The following FBN3 variants were observed in gnomAD, a reference collection of about 807,000 sequenced individuals.
The protein encoded by FBN3 is fibrillin 3, also known as fibrillin-3.
Under a neutral mutation model 330.1 loss-of-function variants are expected in FBN3, and 234 were observed. The observed-to-expected ratio is 0.71, with a 90% CI of 0.64 to 0.79. The LOEUF is 0.79. FBN3 is among the 30% of genes least tolerant of loss of function. The pLI is 0.00. For missense variants in FBN3, 3,606 were observed against 3,886.9 expected (o/e 0.93, Z 1.92); for synonymous variants, 1,458 against 1,517.3 (o/e 0.96, Z 0.91).
intron 63 of FBN3, among the ~76,000 whole-genome samples, chr19:8,071,096 G>C (rs950507887): frequency 1.3e-5 from 2 of 151,914 alleles, no homozygotes; most frequent in African/African-American, 4.8e-5. Flanking sequence ...TGTGAACAGA[G>C]AGCACTTGGA....
chr19:8,126,500 G>A lies in FBN3; in HGVS notation c.2522C>T (p.Ala841Val). The A allele has an allele frequency of 6.2e-7, 1 of 1,613,160 alleles. No homozygotes were observed. Among genetic ancestry groups the A allele is most frequent in the Non-Finnish European group, 8.5e-7 (1 of 1,179,732 alleles). The stretch of plus-strand genomic sequence containing the variant: ...GCAGCGTTCGCAGGGGCTCCCCCAG[G>A]CTGCCCCGAGGGTGGCGCAGCACTC... ...RSECCATLGA[A>V]WGSPCERCEI... The change falls in exon 20 of 64, where the codon GCC becomes GTC. Residue 841 changes from alanine to valine, a missense_variant. Ala to Val is a moderately conservative substitution (Grantham distance 64, BLOSUM62 0). Coordinates refer to ENST00000600128, the MANE Select transcript of FBN3 (RefSeq NM_032447.5).
chr19:8,141,044 A>C (rs1276832850), intron 8 of FBN3, among the ~76,000 whole-genome samples: 1 of 150,930 alleles, frequency 6.6e-6, no homozygotes, highest in Non-Finnish European at 1.5e-5. Flanking sequence ...AATACAAAAA[A>C]ATTATCCGGG....
intron 3 of FBN3, 45 bp from the exon 4 acceptor site, chr19:8,146,270 G>A: frequency 6.6e-6 from 10 of 1,506,870 alleles, no homozygotes; most frequent in Non-Finnish European, 9.0e-6. Context: ...GACCGAGCCT[G>A]GGCCGTCCCT....
At chr19:8,087,569 G>GT (rs1406509876) in intron 53 of FBN3, among the ~76,000 whole-genome samples, 1 of 151,552 alleles carries the variant, frequency 6.6e-6, no homozygotes, top group Non-Finnish European at 1.5e-5. Flanking sequence ...GTTCTTTGCG[G>GT]TGGGCGGCTG....
At chr19:8,084,731 C>T (rs945035594) in intron 56 of FBN3, among the ~76,000 whole-genome samples, 6 of 151,554 alleles carry the variant, frequency 4.0e-5, no homozygotes, top group Non-Finnish European at 8.8e-5. Context: ...GGATTACAGA[C>T]ACACGCCACC....
intron 6 of FBN3, among the ~76,000 whole-genome samples, chr19:8,143,167 G>T (rs1326204231): frequency 6.6e-6 from 1 of 152,118 alleles, no homozygotes; most frequent in Admixed American, 6.6e-5. Flanking sequence ...TAAATGCCCA[G>T]GTGGCTGTCT....
Position 8,081,400 on chromosome 19 carries a change from G to C in FBN3, c.7294C>G (p.Pro2432Ala), listed in dbSNP as rs759884214. The change falls in exon 58 of 64, where the codon CCC becomes GCC. Residue 2432 changes from proline (P) to alanine (A), a missense_variant. Pro to Ala is a conservative substitution (Grantham distance 27). Coordinates refer to ENST00000600128, the MANE Select transcript of FBN3 (RefSeq NM_032447.5). The stretch of plus-strand genomic sequence containing the variant: ...TCCTCCTCCAGCAGGTAGCCTCGGG[G>C]ACAGCTGCACAGGAAACTGCCCTTC... ...NTKGSFLCSCPRGYLLEEDGR... is the reference protein window; with the variant it reads ...NTKGSFLCSCARGYLLEEDGR... 2 of 1,612,200 alleles carry C rather than the reference G, an allele frequency of 1.2e-6. No individual in the cohort carries two copies. Among genetic ancestry groups the C allele is most frequent in the South Asian group, 2.2e-5 (2 of 90,800 alleles).
chr19:8,104,456 G>A (rs1226768923), intron 38 of FBN3, among the ~76,000 whole-genome samples: 2 of 146,288 alleles, frequency 1.4e-5, no homozygotes, highest in East Asian at 4.0e-4. Context: ...GGACAACAGA[G>A]TGAGACACTG....
chr19:8,097,223 A>C, intron 42 of FBN3, 66 bp downstream of exon 42: 1 of 1,562,342 alleles, frequency 6.4e-7, no homozygotes, highest in Non-Finnish European at 8.7e-7. Flanking sequence ...TTACTCGCCC[A>C]GATTGCACAG....
intron 39 of FBN3, among the ~76,000 whole-genome samples, chr19:8,103,345 T>C (rs2082369410): frequency 6.6e-6 from 1 of 151,646 alleles, no homozygotes; most frequent in Non-Finnish European, 1.5e-5. Context: ...GGGGATCCAT[T>C]CACTTTTTTC....
chr19:8,139,355 A>G (rs2083361189), intron 8 of FBN3, among the ~76,000 whole-genome samples: 1 of 152,142 alleles, frequency 6.6e-6, no homozygotes, highest in Admixed American at 6.6e-5. Flanking sequence ...TCAAAAATAA[A>G]TAAATAAATA....
In FBN3 at chr19:8,065,730, T is replaced by TG; in HGVS notation, c.*188dup. The TG allele has an allele frequency of 1.7e-6, 1 of 579,606 alleles. No homozygotes were observed. Among genetic ancestry groups the TG allele is most frequent in the South Asian group, 2.4e-5 (1 of 41,736 alleles). The allele number at this position is 579,606 out of a possible 1,614,324, so 35.9% of individuals were successfully genotyped here. A position where few individuals can be genotyped will look rare whatever the true frequency, so the allele number is the denominator to read the frequency against. ...CTGTCTCCAGGAAAGACTGAGTAAC[T>TG]GGGGGGCCCCCGGGGCTGGCACAGA... On this transcript the variant is annotated 3_prime_UTR_variant, in exon 64 of 64. Transcript: ENST00000600128.
At chr19:8,081,642 G>A (rs1555726596) in intron 57 of FBN3, among the ~76,000 whole-genome samples, 162 bp from the exon 58 acceptor site, 2 of 152,116 alleles carry the variant, frequency 1.3e-5, no homozygotes, top group Non-Finnish European at 2.9e-5. Flanking sequence ...AATACATTTG[G>A]TTTTGCAGGC....
intron 37 of FBN3, 86 bp from the exon 38 acceptor site, chr19:8,106,319 A>AG (rs2082438074): frequency 6.7e-7 from 1 of 1,481,846 alleles, no homozygotes; most frequent in African/African-American, 1.4e-5. Context: ...TGGGTTCTCC[A>AG]GGGCCCTCTC....
At chr19:8,104,662 C>T (rs928473081) in intron 38 of FBN3, among the ~76,000 whole-genome samples, 1 of 152,004 alleles carries the variant, frequency 6.6e-6, no homozygotes, top group Non-Finnish European at 1.5e-5. Flanking sequence ...AATTGATTCT[C>T]AATCTGGTCA....
intron 30 of FBN3, among the ~76,000 whole-genome samples, chr19:8,113,182 T>C (rs2082629068): frequency 1.3e-5 from 2 of 152,232 alleles, no homozygotes; most frequent in Non-Finnish European, 1.5e-5. Flanking sequence ...TCCCAACTAC[T>C]TGGGAGGCCA....
chr19:8,132,905 C>T, intron 14 of FBN3, 79 bp downstream of exon 14: 1 of 1,449,828 alleles, frequency 6.9e-7, no homozygotes, highest in Non-Finnish European at 9.2e-7. Context: ...CCCGTCCGGT[C>T]CCTCTCCTCT....
intron 8 of FBN3, among the ~76,000 whole-genome samples, chr19:8,139,457 C>G (rs928690920): frequency 1.3e-5 from 2 of 152,154 alleles, no homozygotes; most frequent in Non-Finnish European, 2.9e-5. Context: ...GTGAGCTCCC[C>G]GTCGCTGCAG....
At chr19:8,071,845 C>A (rs1240581398) in intron 63 of FBN3, among the ~76,000 whole-genome samples, 1 of 100,744 alleles carries the variant, frequency 9.9e-6, no homozygotes, top group Non-Finnish European at 2.6e-5. Flanking sequence ...ATGTGTCCCC[C>A]AGAGACCCCC....
Sources: gnomAD v4.1 joint callset for allele counts (sites outside exome capture counted in the v4.1 genomes callset) on GRCh38, gnomAD v4.1.1 for gene constraint, MANE v1.5 for transcripts, NCBI Gene and HGNC (gene_info 2026-07-23, HGNC 2026-07-21) for gene names.